CRK: variants seen among roughly 807,000 people sequenced by gnomAD.
CRK encodes the protein adapter molecule crk.
A neutral mutation model predicts 29.8 loss-of-function variants in CRK; 4 were observed. The observed-to-expected ratio is 0.13, with a 90% CI of 0.07 to 0.31. The LOEUF (loss-of-function observed/expected upper bound fraction) is 0.31. CRK is among the 10% of genes least tolerant of loss of function. CRK has a pLI of 1.00. For synonymous variants in CRK, 153 were observed against 164.9 expected (o/e 0.93, Z 0.55); for missense variants, 274 against 396.5 (o/e 0.69, Z 2.62).
intron 2 of CRK, chr17:1,426,380 G>C (rs1200693785): frequency 6.6e-6 from 1 of 152,222 alleles, no homozygotes; most frequent in Admixed American, 6.6e-5. Flanking sequence ...CTCACAGGTT[G>C]CTGTCACCAG....
In CRK at chr17:1,450,800, T is replaced by G. The variant is rs142451495; in HGVS notation, c.241+5077A>C. ...ATTTGGGAGACTAAGGCAGGAGAACTGCTTGAACCCAGGAGGTGGAGGGTA... is the reference window on the plus strand; with the variant it reads ...ATTTGGGAGACTAAGGCAGGAGAACGGCTTGAACCCAGGAGGTGGAGGGTA... On this transcript the variant is annotated intron_variant, in intron 1 of 2. Coordinates refer to ENST00000300574, the MANE Select transcript of CRK (RefSeq NM_016823.4). Among the ~76,000 whole-genome samples the G allele has an allele frequency of 5.4e-3, 814 of 150,482 alleles. 11 individuals carry two copies. The highest frequency in any genetic ancestry group is 0.019 in the African/African-American group (765 of 40,914).
chr17:1,444,758 G>A (rs1347946830), intron 1 of CRK, among the ~76,000 whole-genome samples: 9 of 151,632 alleles, frequency 5.9e-5, no homozygotes, highest in South Asian at 2.1e-4. Flanking sequence ...GCTGGAACCC[G>A]GGAGGTGGAG....
chr17:1,443,659 A>G (rs1598302149), intron 1 of CRK, among the ~76,000 whole-genome samples: 1 of 151,830 alleles, frequency 6.6e-6, no homozygotes, highest in Admixed American at 6.6e-5. Flanking sequence ...TCGGCCTCCT[A>G]AAGTGCTGGA....
intron 1 of CRK, among the ~76,000 whole-genome samples, chr17:1,438,268 T>C (rs1336127941): frequency 2.0e-5 from 3 of 152,090 alleles, no homozygotes; most frequent in African/African-American, 7.2e-5. Flanking sequence ...CAGCTGGGAC[T>C]ACAGGCACGC....
intron 2 of CRK, among the ~76,000 whole-genome samples, chr17:1,430,514 G>C (rs570362594): frequency 6.7e-6 from 1 of 149,708 alleles, no homozygotes; most frequent in Non-Finnish European, 1.5e-5. Context: ...CCGCCACCAC[G>C]TCCGGCTAAT....
At chr17:1,425,087 G>GT (rs887040693) in intron 2 of CRK, among the ~76,000 whole-genome samples, 2 of 151,276 alleles carry the variant, frequency 1.3e-5, no homozygotes, top group Non-Finnish European at 2.9e-5. Flanking sequence ...AAATATAAAG[G>GT]TTTTTTTTGT....
chr17:1,452,323 G>A (rs1343444608), intron 1 of CRK, among the ~76,000 whole-genome samples: 1 of 152,150 alleles, frequency 6.6e-6, no homozygotes, highest in Non-Finnish European at 1.5e-5. Context: ...AGTACTCAAA[G>A]TACCTGGCAC....
intron 1 of CRK, among the ~76,000 whole-genome samples, chr17:1,441,220 G>A (rs1029352372): frequency 1.3e-5 from 2 of 152,046 alleles, no homozygotes; most frequent in African/African-American, 4.8e-5. Context: ...GAGCCACCAC[G>A]CCTGGCCTTG....
chr17:1,447,194 G>A (rs1349762478), intron 1 of CRK, among the ~76,000 whole-genome samples: 1 of 151,984 alleles, frequency 6.6e-6, no homozygotes, highest in African/African-American at 2.4e-5. Flanking sequence ...ACAGCCAAAG[G>A]CAGGAAATAG....
At position 1,456,112 on chromosome 17, in the gene CRK, C is replaced by G; in HGVS notation, c.6G>C (p.Ala2=). 2 of 1,543,330 alleles carry G rather than the reference C, an allele frequency of 1.3e-6. No individual in the cohort carries two copies. Among genetic ancestry groups the G allele is most frequent in the Non-Finnish European group, 1.7e-6 (2 of 1,148,424 alleles). The part of the protein sequence containing the change: M[A]GNFDSEERSS... ...TCCGCTCCTCCGAGTCGAAGTTGCC[C>G]GCCATGGCTGCCTCCGCGCCTAAAC... is the stretch of plus-strand genomic sequence containing the variant. Residue 2 remains alanine, a synonymous_variant, in exon 1 of 3, where the codon GCG becomes GCC. Coordinates refer to ENST00000300574, the MANE Select transcript of CRK (RefSeq NM_016823.4).
chr17:1,424,587 C>G (rs2073759084), intron 2 of CRK: 1 of 152,296 alleles, frequency 6.6e-6, no homozygotes, highest in Admixed American at 6.6e-5. Flanking sequence ...CCAGAAAACC[C>G]CCACCTCATT....
chr17:1,424,952 T>C (rs2073763455), intron 2 of CRK: 1 of 151,686 alleles, frequency 6.6e-6, no homozygotes, highest in South Asian at 2.1e-4. Flanking sequence ...AGGCAGAGGT[T>C]GCAGTGAGCC....
At chr17:1,435,839 C>A (rs1392515253) in intron 2 of CRK, among the ~76,000 whole-genome samples, 1 of 151,960 alleles carries the variant, frequency 6.6e-6, no homozygotes, top group Non-Finnish European at 1.5e-5. Context: ...AGCTTTTACA[C>A]TGAACCATCA....
chr17:1,427,298 A>C (rs181977380), intron 2 of CRK, among the ~76,000 whole-genome samples: 24 of 151,402 alleles, frequency 1.6e-4, no homozygotes, highest in African/African-American at 4.6e-4. Context: ...CAAAAAAAAA[A>C]AAAAAAGAAT....
intron 1 of CRK, among the ~76,000 whole-genome samples, chr17:1,451,527 C>G (rs1189872465): frequency 1.3e-5 from 2 of 152,002 alleles, no homozygotes; most frequent in Non-Finnish European, 2.9e-5. Flanking sequence ...CCACTGCGCC[C>G]GGCCTCTTCT....
chr17:1,431,294 GA>G (rs969045402), intron 2 of CRK, among the ~76,000 whole-genome samples: 5 of 152,152 alleles, frequency 3.3e-5, no homozygotes, highest in Admixed American at 1.3e-4. Flanking sequence ...AAGAAGGCCG[GA>G]GGGGGTGGGG....
intron 2 of CRK, among the ~76,000 whole-genome samples, chr17:1,435,802 T>C (rs1060460): frequency 6.6e-6 from 1 of 151,932 alleles, no homozygotes; most frequent in South Asian, 2.1e-4. Context: ...GGATTACAAG[T>C]GTGAGCCACT....
chr17:1,438,835 CAA>C (rs2073910792), intron 1 of CRK, among the ~76,000 whole-genome samples: 1 of 151,042 alleles, frequency 6.6e-6, no homozygotes, highest in East Asian at 1.9e-4. Context: ...AAACAAGAGT[CAA>C]AGTTTCTTTA....
chr17:1,450,279 T>G (rs916980351), intron 1 of CRK, among the ~76,000 whole-genome samples: 1 of 150,842 alleles, frequency 6.6e-6, no homozygotes, highest in Admixed American at 6.6e-5. Context: ...GAGGCCAAGG[T>G]GGGCGGATCA....
Sources: gnomAD v4.1 joint callset for allele counts (sites outside exome capture counted in the v4.1 genomes callset) on GRCh38, gnomAD v4.1.1 for gene constraint, MANE v1.5 for transcripts, NCBI Gene and HGNC (gene_info 2026-07-23, HGNC 2026-07-21) for gene names.